Variants in ZNF438 observed in about 807,000 individuals in gnomAD.
ZNF438 encodes the protein zinc finger protein 438.
Under a neutral mutation model 38.0 loss-of-function variants are expected in ZNF438, and 25 were observed. The observed-to-expected ratio is 0.66, with a 90% CI of 0.48 to 0.92. The LOEUF (loss-of-function observed/expected upper bound fraction) is 0.92. Among genes scored for constraint, ZNF438 ranks in the 40% least tolerant of loss-of-function variants. The probability of loss-of-function intolerance (pLI) is 0.00; values close to 1 mark genes in which losing one functional copy is unlikely to be tolerated. For missense variants in ZNF438, 1,007 were observed against 999.6 expected (o/e 1.01, Z -0.10); for synonymous variants, 372 against 364.1 (o/e 1.02, Z -0.25).
intron 1 of ZNF438, among the ~76,000 whole-genome samples, chr10:31,020,367 C>T (rs1455560709): frequency 1.3e-5 from 2 of 152,066 alleles, no homozygotes; most frequent in Non-Finnish European, 2.9e-5. Context: ...AAAAAAAGGA[C>T]GAATCAGGAG....
rs374222165 is a variant in ZNF438 at position 31,025,167 on chromosome 10, T to TA, written c.-192+6665dup. On this transcript the variant is annotated intron_variant, in intron 1 of 5. Coordinates refer to ENST00000413025, the Ensembl canonical transcript of ZNF438. ...CACCTCCATTTCTAAAGCAAAAAAA[T>TA]AAAAAAATAAAAAAGGAGGAACAGA... Among the ~76,000 whole-genome samples, 622 of 151,400 alleles carry TA rather than the reference T, an allele frequency of 4.1e-3. 4 individuals carry two copies. Among genetic ancestry groups the TA allele is most frequent in the African/African-American group, 0.014 (578 of 41,270 alleles).
At chr10:31,022,137 G>C (rs144063897) in intron 1 of ZNF438, among the ~76,000 whole-genome samples, 1,961 of 152,260 alleles carry the variant, frequency 0.013, 15 homozygotes, top group Non-Finnish European at 0.021. Flanking sequence ...AACTGGCAAC[G>C]ACCAGCTCAG....
At chr10:31,015,194 T>A (rs1214276733) in intron 1 of ZNF438, among the ~76,000 whole-genome samples, 2 of 152,222 alleles carry the variant, frequency 1.3e-5, no homozygotes, top group Non-Finnish European at 2.9e-5. Context: ...CTTGTCATTA[T>A]CATAGCTGTC....
chr10:30,850,255 C>A (rs751377832), exon 5 of ZNF438: 8 of 1,614,186 alleles, frequency 5.0e-6, no homozygotes, highest in Non-Finnish European at 2.5e-6. Flanking sequence ...GACATGGCAG[C>A]ATTCTGGACG....
intron 3 of ZNF438, among the ~76,000 whole-genome samples, chr10:30,902,797 G>A (rs566136700): frequency 1.4e-4 from 21 of 152,310 alleles, no homozygotes; most frequent in African/African-American, 4.6e-4. Flanking sequence ...TGCCAGTCCC[G>A]CAGTGTGCCC....
intron 3 of ZNF438, among the ~76,000 whole-genome samples, chr10:30,907,584 C>T (rs975775289): frequency 6.6e-6 from 1 of 152,012 alleles, no homozygotes; most frequent in South Asian, 2.1e-4. Flanking sequence ...TTCTTGACTC[C>T]GTTTTGGTAG....
chr10:31,022,947 G>A (rs184303596), intron 1 of ZNF438, among the ~76,000 whole-genome samples: 17 of 152,290 alleles, frequency 1.1e-4, no homozygotes, highest in African/African-American at 4.1e-4. Context: ...TGGCAAAAAT[G>A]TGTTGATTAT....
intron 1 of ZNF438, among the ~76,000 whole-genome samples, chr10:30,989,878 A>AT (rs11397146): frequency 0.63 from 95,707 of 151,978 alleles, 30,577 homozygotes; most frequent in African/African-American, 0.72. Flanking sequence ...CTTATGAAAT[A>AT]TTTTTATTTT....
exon 5 of ZNF438, chr10:30,849,351 A>T: frequency 1.9e-6 from 3 of 1,614,238 alleles, no homozygotes; most frequent in Non-Finnish European, 1.7e-6. Flanking sequence ...CTCTGCTGTG[A>T]CACTTGTGGA....
chr10:30,968,384 T>G (rs2050367831), intron 1 of ZNF438, among the ~76,000 whole-genome samples: 1 of 152,080 alleles, frequency 6.6e-6, no homozygotes, highest in Admixed American at 6.5e-5. Context: ...TATGTAAAAG[T>G]TTCTTCAATA....
intron 1 of ZNF438, chr10:30,999,563 G>A (rs2054433468): frequency 6.6e-6 from 1 of 152,346 alleles, no homozygotes. Context: ...ACTGAGTCAT[G>A]TGTTCCTGAT....
At chr10:30,846,294 G>A (rs940655227) in intron 5 of ZNF438, among the ~76,000 whole-genome samples, 2 of 152,244 alleles carry the variant, frequency 1.3e-5, no homozygotes, top group African/African-American at 2.4e-5. Context: ...AGGTGCAGCC[G>A]GGACTTGTGG....
chr10:30,987,284 C>T (rs2052926215), intron 1 of ZNF438, among the ~76,000 whole-genome samples: 1 of 144,192 alleles, frequency 6.9e-6, no homozygotes, highest in Non-Finnish European at 1.5e-5. Flanking sequence ...CACACCATTG[C>T]ACTTCAGCCT....
At chr10:30,880,084 C>T (rs543462875) in intron 3 of ZNF438, among the ~76,000 whole-genome samples, 1 of 151,956 alleles carries the variant, frequency 6.6e-6, no homozygotes, top group South Asian at 2.1e-4. Flanking sequence ...AGACACATTG[C>T]ATATAAAGGA....
chr10:31,027,345 A>G (rs2994649), intron 1 of ZNF438, among the ~76,000 whole-genome samples: 18,616 of 152,220 alleles, frequency 0.12, 1,518 homozygotes, highest in Middle Eastern at 0.24. Flanking sequence ...TCATATATAT[A>G]AAAGTACTCA....
At chr10:30,966,814 T>C (rs1300976721) in intron 1 of ZNF438, among the ~76,000 whole-genome samples, 3 of 152,154 alleles carry the variant, frequency 2.0e-5, no homozygotes, top group Non-Finnish European at 2.9e-5. Context: ...CAAAAATTCA[T>C]CTACCCACCC....
chr10:30,927,307 T>C (rs1031433287), intron 2 of ZNF438, among the ~76,000 whole-genome samples: 4 of 152,136 alleles, frequency 2.6e-5, no homozygotes, highest in African/African-American at 9.7e-5. Flanking sequence ...GCTCCCTGAA[T>C]TGCAAGAACA....
At chr10:30,984,939 TCATTTTC>T (rs1393912335) in intron 1 of ZNF438, among the ~76,000 whole-genome samples, 1 of 152,216 alleles carries the variant, frequency 6.6e-6, no homozygotes, top group African/African-American at 2.4e-5. Context: ...CCTGGATTTT[TCATTTTC>T]TAATGATTTT....
At chr10:30,938,926 C>T (rs1367973268) in intron 2 of ZNF438, among the ~76,000 whole-genome samples, 1 of 152,126 alleles carries the variant, frequency 6.6e-6, no homozygotes, top group African/African-American at 2.4e-5. Flanking sequence ...TCCTGAGTAG[C>T]TGGGACTACA....
Sources: gnomAD v4.1 joint callset for allele counts (sites outside exome capture counted in the v4.1 genomes callset) on GRCh38, gnomAD v4.1.1 for gene constraint, MANE v1.5 for transcripts, NCBI Gene and HGNC (gene_info 2026-07-23, HGNC 2026-07-21) for gene names.